The following FAM53B variants were observed in gnomAD, a reference collection of about 807,000 sequenced individuals.
FAM53B encodes family with sequence similarity 53 member B, also known as protein FAM53B.
FAM53B carries 12 observed loss-of-function variants against 32.7 expected under a neutral mutation model. That is an observed-to-expected ratio of 0.37 (90% CI 0.24 to 0.59). The LOEUF (loss-of-function observed/expected upper bound fraction) is 0.59. FAM53B is among the 20% of genes least tolerant of loss of function. The pLI is 0.72. For missense variants in FAM53B, 477 were observed against 577.7 expected (o/e 0.83, Z 1.79); for synonymous variants, 234 against 228.7 (o/e 1.02, Z -0.21).
rs1339962224 is a variant in FAM53B, at chr10:124,706,307, C to T, written c.78+329G>A. Among the ~76,000 whole-genome samples the T allele has an allele frequency of 3.3e-5, 5 of 152,184 alleles. No homozygotes were observed. The East Asian group carries it at 9.6e-4, about 29-fold the overall frequency. ...CAGGGCACCAACCCCCTCTGGAAAC[C>T]ACCCCCCCTTAATGGGTGGAGACAG... On this transcript the variant is annotated intron_variant, in intron 2 of 4. Coordinates refer to ENST00000337318, the MANE Select transcript of FAM53B (RefSeq NM_014661.4).
In FAM53B at chr10:124,723,254, T is replaced by G. The variant is rs180985146; in HGVS notation, c.-174-16367A>C. On this transcript the variant is annotated intron_variant, in intron 1 of 4. Transcript: ENST00000337318. The stretch of plus-strand genomic sequence containing the variant: ...GGCACAAAGAGCTGCTCAGGAAATG[T>G]CTGCTGAAACAAAGAACACAATCAC... 1.8e-3 allele frequency among the ~76,000 whole-genome samples: 272 copies of G among 152,356 alleles called. 1 individual carries two copies. Among genetic ancestry groups the G allele is most frequent in the African/African-American group, 6.0e-3 (249 of 41,586 alleles).
At chr10:124,743,857 C>A (rs1245229970) in intron 1 of FAM53B, among the ~76,000 whole-genome samples, 156 bp downstream of exon 1, 7 of 151,836 alleles carry the variant, frequency 4.6e-5, no homozygotes, top group Non-Finnish European at 8.8e-5. Context: ...AAAAAGGAAA[C>A]CAGCAACATT....
chr10:124,702,728 C>T (rs1028612415), intron 2 of FAM53B, among the ~76,000 whole-genome samples: 3 of 152,178 alleles, frequency 2.0e-5, no homozygotes, highest in African/African-American at 4.8e-5. Flanking sequence ...GTACCTGGAC[C>T]TCTGGGCATA....
intron 4 of FAM53B, among the ~76,000 whole-genome samples, chr10:124,655,990 C>T (rs1032437611): frequency 1.3e-5 from 2 of 152,240 alleles, no homozygotes; most frequent in Admixed American, 1.3e-4. Flanking sequence ...AGCCCCAGAA[C>T]GGGATCCATC....
At chr10:124,687,642 T>C (rs1949810579) in intron 3 of FAM53B, among the ~76,000 whole-genome samples, 1 of 152,132 alleles carries the variant, frequency 6.6e-6, no homozygotes, top group Non-Finnish European at 1.5e-5. Flanking sequence ...CTGACTAGGA[T>C]TTCTCAAAGT....
At chr10:124,638,189 G>A (rs1313726986) in intron 4 of FAM53B, among the ~76,000 whole-genome samples, 2 of 152,146 alleles carry the variant, frequency 1.3e-5, no homozygotes, top group Admixed American at 1.3e-4. Flanking sequence ...CTAACACAGT[G>A]AAACCCCGTC....
rs999678551 is a variant in FAM53B at position 124,621,639 on chromosome 10, T to C, written c.*1603A>G. On this transcript the variant is annotated 3_prime_UTR_variant, in exon 5 of 5. Coordinates refer to ENST00000337318, the MANE Select transcript of FAM53B (RefSeq NM_014661.4). Reference sequence around the variant, plus strand: ...GGAACTTGAACCACCATCCTTTTGATGTAGTAAAAAAATAAGATTTAAACA... The same window carrying C: ...GGAACTTGAACCACCATCCTTTTGACGTAGTAAAAAAATAAGATTTAAACA... The C allele has an allele frequency of 1.3e-5, 2 of 152,218 alleles. No individual in the cohort carries two copies. The highest frequency in any genetic ancestry group is 2.4e-5 in the African/African-American group (1 of 41,444). 9.4% of individuals were successfully genotyped at this position (152,218 alleles called of 1,614,324 possible).
intron 1 of FAM53B, among the ~76,000 whole-genome samples, chr10:124,723,764 C>G (rs1417332697): frequency 6.6e-6 from 1 of 152,250 alleles, no homozygotes; most frequent in African/African-American, 2.4e-5. Flanking sequence ...CCCAGTGGGA[C>G]AGGGAGGGCC....
At chr10:124,697,736 G>A (rs992979252) in intron 2 of FAM53B, among the ~76,000 whole-genome samples, 25 of 152,090 alleles carry the variant, frequency 1.6e-4, no homozygotes, top group African/African-American at 6.0e-4. Flanking sequence ...AGGACCACAG[G>A]AGCTTCTAGG....
chr10:124,664,959 C>G (rs1033434754), intron 4 of FAM53B, among the ~76,000 whole-genome samples: 5 of 152,236 alleles, frequency 3.3e-5, no homozygotes, highest in Middle Eastern at 3.2e-3. Flanking sequence ...TCCCCAAGGA[C>G]AAACCTGACA....
intron 4 of FAM53B, among the ~76,000 whole-genome samples, chr10:124,634,907 T>C (rs1949417865): frequency 1.3e-5 from 2 of 152,262 alleles, no homozygotes; most frequent in Admixed American, 1.3e-4. Context: ...TTGTACACCT[T>C]AAATGGGTGA....
chr10:124,717,955 C>T (rs1328699525), intron 1 of FAM53B, among the ~76,000 whole-genome samples: 1 of 152,152 alleles, frequency 6.6e-6, no homozygotes, highest in African/African-American at 2.4e-5. Flanking sequence ...AGCTTTCCTA[C>T]CGGTGCAGCT....
At chr10:124,700,160 G>A (rs1420720786) in intron 2 of FAM53B, among the ~76,000 whole-genome samples, 6 of 152,216 alleles carry the variant, frequency 3.9e-5, no homozygotes, top group Admixed American at 3.9e-4. Context: ...CCTGACCGCT[G>A]GCAGGTTTCC....
intron 4 of FAM53B, among the ~76,000 whole-genome samples, chr10:124,646,944 G>A (rs890322216): frequency 2.6e-5 from 4 of 152,204 alleles, no homozygotes; most frequent in Non-Finnish European, 4.4e-5. Flanking sequence ...ATCTCACACA[G>A]CCAGCCTCCT....
intron 4 of FAM53B, among the ~76,000 whole-genome samples, chr10:124,661,538 G>A (rs550412491): frequency 1.3e-5 from 2 of 152,336 alleles, no homozygotes; most frequent in African/African-American, 4.8e-5. Context: ...CTCCCAGCTG[G>A]TGGGCTCTGA....
chr10:124,652,262 G>C (rs1168345277), intron 4 of FAM53B, among the ~76,000 whole-genome samples: 1 of 152,168 alleles, frequency 6.6e-6, no homozygotes, highest in African/African-American at 2.4e-5. Context: ...CAGGGCTTAG[G>C]ACTAGCCAGG....
At chr10:124,697,953 G>A (rs904645730) in intron 2 of FAM53B, among the ~76,000 whole-genome samples, 4 of 152,208 alleles carry the variant, frequency 2.6e-5, no homozygotes, top group Non-Finnish European at 5.9e-5. Context: ...GCTGAGAGGT[G>A]CAGCTGAGAA....
chr10:124,731,109 T>G (rs1950139648), intron 1 of FAM53B, among the ~76,000 whole-genome samples: 2 of 152,332 alleles, frequency 1.3e-5, no homozygotes, highest in African/African-American at 4.8e-5. Context: ...CTTGGGCACT[T>G]TACCTCACAG....
In FAM53B at chr10:124,620,134, G is replaced by A. The variant is rs1016348553; in HGVS notation, c.*3108C>T. ...CTACAAAAATTTGGTTGAAAAGTAA[G>A]GCTTTCTGAGAATGAAAATCTGTAC... On this transcript the variant is annotated 3_prime_UTR_variant, in exon 5 of 5. Transcript: ENST00000337318. The A allele has an allele frequency of 1.4e-4, 22 of 152,628 alleles. No individual in the cohort carries two copies. The highest frequency in any genetic ancestry group is 5.3e-4 in the African/African-American group (22 of 41,470). 9.5% of individuals were successfully genotyped at this position (152,628 alleles called of 1,614,324 possible).
Sources: gnomAD v4.1 joint callset for allele counts (sites outside exome capture counted in the v4.1 genomes callset) on GRCh38, gnomAD v4.1.1 for gene constraint, MANE v1.5 for transcripts, NCBI Gene and HGNC (gene_info 2026-07-23, HGNC 2026-07-21) for gene names.